The following SCTR variants were observed in gnomAD, a reference collection of about 807,000 sequenced individuals.
SCTR encodes the protein pancreatic secretin receptor.
A neutral mutation model predicts 60.8 loss-of-function variants in SCTR; 56 were observed. The ratio of observed to expected loss-of-function variants is 0.92; its 90% CI spans 0.74 to 1.15. The LOEUF (loss-of-function observed/expected upper bound fraction) is 1.15, where lower values mean the gene tolerates loss of function less well. Among genes scored for constraint, SCTR ranks in the 50% most tolerant of loss-of-function variants. The pLI is 0.00. For synonymous variants in SCTR, 202 were observed against 217.0 expected (o/e 0.93, Z 0.61); for missense variants, 562 against 550.4 (o/e 1.02, Z -0.21).
At chr2:119,449,382 A>T (rs1440391283) in intron 9 of SCTR, among the ~76,000 whole-genome samples, 1 of 152,244 alleles carries the variant, frequency 6.6e-6, no homozygotes, top group Non-Finnish European at 1.5e-5. Context: ...GTATTTAGGG[A>T]TAATATTGCT....
chr2:119,480,787 T>C (rs2579620), intron 2 of SCTR: 132,515 of 152,370 alleles, frequency 0.87, 57,735 homozygotes, highest in African/African-American at 0.91. Context: ...ATCGCTGGGG[T>C]CAGGCTTGGA....
chr2:119,476,201 AG>A (rs575972259), intron 3 of SCTR, among the ~76,000 whole-genome samples: 304 of 152,302 alleles, frequency 2.0e-3, no homozygotes, highest in Non-Finnish European at 3.4e-3. Context: ...ATGAAGGGGC[AG>A]GAGTCTAATC....
At chr2:119,517,483 G>T (rs1355474980) in intron 1 of SCTR, among the ~76,000 whole-genome samples, 1 of 152,156 alleles carries the variant, frequency 6.6e-6, no homozygotes, top group East Asian at 1.9e-4. Flanking sequence ...TTTTAAAAAA[G>T]ATTATAAAAA....
At chr2:119,468,826 GAA>G (rs972893789) in intron 4 of SCTR, among the ~76,000 whole-genome samples, 1 of 152,148 alleles carries the variant, frequency 6.6e-6, no homozygotes, top group Non-Finnish European at 1.5e-5. Flanking sequence ...TAGAGTACAT[GAA>G]AAAACTGGGT....
chr2:119,450,064 G>GAA (rs1339524372), intron 9 of SCTR, among the ~76,000 whole-genome samples: 1 of 137,860 alleles, frequency 7.3e-6, no homozygotes, highest in African/African-American at 2.9e-5. Context: ...GAAAGAAAAA[G>GAA]AAAGAAAGAA....
intron 4 of SCTR, among the ~76,000 whole-genome samples, chr2:119,467,676 G>A (rs188283343): frequency 6.6e-6 from 1 of 151,264 alleles, no homozygotes; most frequent in African/African-American, 2.5e-5. Context: ...ACATGAAGAT[G>A]TTTATCACAG....
chr2:119,482,935 C>G, intron 2 of SCTR, among the ~76,000 whole-genome samples: 1 of 152,250 alleles, frequency 6.6e-6, no homozygotes, highest in East Asian at 1.9e-4. Context: ...GCTCCCCTGC[C>G]AGCTCGGGTC....
chr2:119,484,963 C>A (rs1027888802), intron 2 of SCTR, among the ~76,000 whole-genome samples: 1 of 152,178 alleles, frequency 6.6e-6, no homozygotes, highest in African/African-American at 2.4e-5. Context: ...AGAGGAGAAA[C>A]AGCTGTGGGG....
In SCTR at chr2:119,524,256, G is replaced by T; in HGVS notation, c.-30C>A. On this transcript the variant is annotated 5_prime_UTR_variant, in exon 1 of 13. Transcript: ENST00000019103. ...CCCGCACGTTCCCCGAGGGCGCCCC[G>T]ACGTCCGCCTGCCCGTGCCCTCTGC... 1 of 1,399,168 alleles carries T rather than the reference G, an allele frequency of 7.1e-7. No homozygotes were observed. Among genetic ancestry groups the T allele is most frequent in the South Asian group, 1.5e-5 (1 of 65,626 alleles). 86.7% of individuals were successfully genotyped at this position (1,399,168 alleles called of 1,614,324 possible). A position where few individuals can be genotyped will look rare whatever the true frequency, so the allele number is the denominator to read the frequency against.
At chr2:119,515,334 A>C (rs1482260695) in intron 1 of SCTR, among the ~76,000 whole-genome samples, 1 of 152,232 alleles carries the variant, frequency 6.6e-6, no homozygotes, top group Non-Finnish European at 1.5e-5. Context: ...TGGCTCTACC[A>C]TTTAAGCAAG....
At chr2:119,477,482 AC>A (rs1677382911) in intron 3 of SCTR, among the ~76,000 whole-genome samples, 1 of 151,206 alleles carries the variant, frequency 6.6e-6, no homozygotes, top group South Asian at 2.1e-4. Flanking sequence ...ACAGAGTCTC[AC>A]TCTGTCGCCC....
At chr2:119,486,448 C>T (rs1024042362) in intron 2 of SCTR, 2 of 152,224 alleles carry the variant, frequency 1.3e-5, no homozygotes, top group Non-Finnish European at 2.9e-5. Flanking sequence ...TCCACAGAAC[C>T]CTCCTCATCC....
Position 119,448,709 on chromosome 2 carries a change from T to C in SCTR, c.993A>G (p.Gly331=), listed in dbSNP as rs774679806. The part of the protein sequence containing the change: ...MRKLRTQETR[G]NEVSHYKRLA... ...CTTACTTATAATGGCTGACTTCATT[T>C]CCTCTTGTTTCTTGGGTTCTAAGTT... The change falls in exon 10 of 13, where the codon GGA becomes GGG. Residue 331 remains glycine (G), a synonymous_variant. Coordinates refer to ENST00000019103, the MANE Select transcript of SCTR (RefSeq NM_002980.3). 6.3e-7 allele frequency: 1 copy of C among 1,595,332 alleles called. No homozygotes were observed. The highest frequency in any genetic ancestry group is 8.6e-7 in the Non-Finnish European group (1 of 1,162,830).
chr2:119,483,490 G>A (rs75467150), intron 2 of SCTR, among the ~76,000 whole-genome samples: 3,580 of 152,190 alleles, frequency 0.024, 68 homozygotes, highest in Non-Finnish European at 0.039. Flanking sequence ...TCCTGAACAC[G>A]AGTGACACTG....
rs151014585 is a variant in SCTR at position 119,487,726 on chromosome 2, C to T, written c.193+6702G>A. On this transcript the variant is annotated intron_variant, in intron 2 of 12. Transcript: ENST00000019103. ...CGTTCCCAGAAAATGCCAGTAAGAC[C>T]TTGGCCACCTAACCCGGAATGGCTG... Among the ~76,000 whole-genome samples, 789 of 152,312 alleles carry T rather than the reference C, an allele frequency of 5.2e-3. 7 individuals carry two copies. The highest frequency in any genetic ancestry group is 0.018 in the African/African-American group (733 of 41,550).
intron 11 of SCTR, among the ~76,000 whole-genome samples, chr2:119,446,061 CTGT>C (rs1264340398): frequency 6.6e-6 from 1 of 152,192 alleles, no homozygotes; most frequent in African/African-American, 2.4e-5. Flanking sequence ...AACACGTTTA[CTGT>C]TGTTGTTTTT....
chr2:119,492,778 G>A (rs981280134), intron 2 of SCTR, among the ~76,000 whole-genome samples: 1 of 151,698 alleles, frequency 6.6e-6, no homozygotes, highest in Non-Finnish European at 1.5e-5. Context: ...TGGCTCATCT[G>A]CACATTTTAT....
intron 1 of SCTR, among the ~76,000 whole-genome samples, chr2:119,520,827 C>A (rs1298950328): frequency 6.6e-6 from 1 of 152,224 alleles, no homozygotes; most frequent in African/African-American, 2.4e-5. Context: ...ACCAACCCCA[C>A]TGCCCCAAAC....
At position 119,473,545 on chromosome 2, in the gene SCTR, G is replaced by T; in HGVS notation, c.313C>A (p.Arg105=). The part of the protein sequence containing the change: ...MLTSRNGSLF[R]NCTQDGWSET... Reference sequence around the variant, plus strand: ...GACCAGCCATCCTGTGTGCAGTTTCGGAACAAGGAACCTGTGGGTGCCAAG... The same window carrying T: ...GACCAGCCATCCTGTGTGCAGTTTCTGAACAAGGAACCTGTGGGTGCCAAG... The change falls in exon 4 of 13, where the codon CGA becomes AGA. Residue 105 remains arginine (R), a synonymous_variant. Coordinates refer to ENST00000019103, the MANE Select transcript of SCTR (RefSeq NM_002980.3). 6.2e-7 allele frequency: 1 copy of T among 1,613,432 alleles called. No homozygotes were observed. The highest frequency in any genetic ancestry group is 1.1e-5 in the South Asian group (1 of 91,058).
Sources: allele counts gnomAD v4.1 joint callset (sites outside exome capture counted in the v4.1 genomes callset), GRCh38; gene constraint gnomAD v4.1.1; transcripts MANE v1.5; gene names NCBI Gene and HGNC (gene_info 2026-07-23, HGNC 2026-07-21).